Variants in RBMS3 observed in about 807,000 individuals in gnomAD.
RBMS3 encodes RNA binding motif single stranded interacting protein 3, also known as RNA-binding motif, single-stranded-interacting protein 3.
In RBMS3, 27 loss-of-function variants were observed where a neutral mutation model predicts 66.8. The ratio of observed to expected loss-of-function variants is 0.40; its 90% CI spans 0.30 to 0.56. The LOEUF is 0.56. Among genes scored for constraint, RBMS3 ranks in the 20% least tolerant of loss-of-function variants. RBMS3 has a pLI of 0.40. For missense variants in RBMS3, 513 were observed against 549.5 expected (o/e 0.93, Z 0.66); for synonymous variants, 188 against 183.0 (o/e 1.03, Z -0.22).
chr3:29,312,332 T>C (rs1019729803), intron 1 of RBMS3, among the ~76,000 whole-genome samples: 3 of 151,632 alleles, frequency 2.0e-5, no homozygotes, highest in African/African-American at 7.3e-5. Flanking sequence ...ATGAATGTGC[T>C]TTTTGAAGAA....
chr3:29,883,068 A>G (rs1172727494), intron 7 of RBMS3, among the ~76,000 whole-genome samples: 1 of 152,102 alleles, frequency 6.6e-6, no homozygotes, highest in East Asian at 1.9e-4. Context: ...AGAAAAAAAA[A>G]TCTACCCTAA....
Position 29,417,176 on chromosome 3 carries a change from C to T in RBMS3, c.76-17567C>T, listed in dbSNP as rs73042537. On this transcript the variant is annotated intron_variant, in intron 1 of 14. Transcript: ENST00000383767. ...CTACATTTTTTATTTTCATGTTGTT[C>T]TTCAGCTTTTTAATATTAGTGATAT... is the stretch of plus-strand genomic sequence containing the variant. 8.6e-3 allele frequency among the ~76,000 whole-genome samples: 1,302 copies of T among 151,948 alleles called. 9 individuals carry two copies. The highest frequency in any genetic ancestry group is 0.012 in the Admixed American group (182 of 15,250).
rs142376605 is a variant in RBMS3, at chr3:29,533,560, G to A, written c.307+45061G>A. 5.7e-3 allele frequency among the ~76,000 whole-genome samples: 868 copies of A among 152,202 alleles called. 24 individuals are homozygous for A. Among genetic ancestry groups the A allele is most frequent in the Admixed American group, 0.054 (830 of 15,276 alleles). On this transcript the variant is annotated intron_variant, in intron 3 of 14. Transcript: ENST00000383767. Reference sequence around the variant, plus strand: ...TGGGAGGTTTCAGCAGGTGGATCACGAGGTTAGGAGTTCAAGACCAGCCTG... The same window carrying A: ...TGGGAGGTTTCAGCAGGTGGATCACAAGGTTAGGAGTTCAAGACCAGCCTG...
chr3:29,889,391 A>T (rs1330006578), intron 8 of RBMS3, among the ~76,000 whole-genome samples: 1 of 151,706 alleles, frequency 6.6e-6, no homozygotes, highest in Non-Finnish European at 1.5e-5. Context: ...GCTATTAGTC[A>T]TAAGAAAAAC....
At chr3:29,684,708 T>G (rs1467528899) in intron 4 of RBMS3, among the ~76,000 whole-genome samples, 1 of 152,078 alleles carries the variant, frequency 6.6e-6, no homozygotes, top group Admixed American at 6.6e-5. Context: ...AAACCAATTT[T>G]TTAACATTGC....
chr3:29,317,867 C>T (rs1275598224), intron 1 of RBMS3, among the ~76,000 whole-genome samples: 1 of 151,708 alleles, frequency 6.6e-6, no homozygotes, highest in Non-Finnish European at 1.5e-5. Context: ...GTCTTATCAC[C>T]CTCCAGTGGA....
chr3:29,771,346 C>T (rs1425221220), intron 6 of RBMS3, among the ~76,000 whole-genome samples: 1 of 152,000 alleles, frequency 6.6e-6, no homozygotes. Flanking sequence ...AATTCAAACC[C>T]TTTGAAAACA....
chr3:29,362,537 AC>A (rs1440344106), intron 1 of RBMS3, among the ~76,000 whole-genome samples: 12 of 152,236 alleles, frequency 7.9e-5, no homozygotes, highest in South Asian at 4.1e-4. Flanking sequence ...GTCAGATCTC[AC>A]ACTCCGTGCT....
At chr3:29,926,250 A>T (rs992943753) in intron 10 of RBMS3, among the ~76,000 whole-genome samples, 1 of 152,204 alleles carries the variant, frequency 6.6e-6, no homozygotes, top group Non-Finnish European at 1.5e-5. Context: ...TAGTTCTTTA[A>T]TAGGGTCGTG....
At chr3:29,960,719 A>G (rs1331563318) in intron 12 of RBMS3, among the ~76,000 whole-genome samples, 1 of 152,128 alleles carries the variant, frequency 6.6e-6, no homozygotes, top group East Asian at 1.9e-4. Context: ...TGCAGGCTCA[A>G]CACCACGTGG....
At chr3:29,808,509 G>A (rs778849122) in intron 6 of RBMS3, among the ~76,000 whole-genome samples, 1 of 151,932 alleles carries the variant, frequency 6.6e-6, no homozygotes, top group Non-Finnish European at 1.5e-5. Flanking sequence ...GCATTGCTGA[G>A]GTTATGGTGT....
At chr3:29,828,782 T>C (rs985376637) in intron 6 of RBMS3, among the ~76,000 whole-genome samples, 12 of 152,154 alleles carry the variant, frequency 7.9e-5, no homozygotes, top group Admixed American at 3.9e-4. Flanking sequence ...GATTTTTTTT[T>C]CCACTGTGTG....
chr3:29,593,293 C>T (rs2047822590), intron 4 of RBMS3, among the ~76,000 whole-genome samples: 1 of 152,168 alleles, frequency 6.6e-6, no homozygotes, highest in African/African-American at 2.4e-5. Context: ...CAGGCATTGT[C>T]AGCCACACTC....
chr3:29,652,796 A>C (rs139337279), intron 4 of RBMS3, among the ~76,000 whole-genome samples: 1 of 152,232 alleles, frequency 6.6e-6, no homozygotes, highest in African/African-American at 2.4e-5. Context: ...CTCTTTTGTG[A>C]ATTTCTGAAT....
At chr3:29,756,904 C>T (rs1333105020) in intron 5 of RBMS3, among the ~76,000 whole-genome samples, 3 of 152,158 alleles carry the variant, frequency 2.0e-5, no homozygotes, top group Non-Finnish European at 1.5e-5. Flanking sequence ...ACCCTCCTGG[C>T]ATATATCAGT....
intron 2 of RBMS3, among the ~76,000 whole-genome samples, chr3:29,451,247 A>G (rs1426314268): frequency 6.6e-6 from 1 of 152,216 alleles, no homozygotes; most frequent in Non-Finnish European, 1.5e-5. Flanking sequence ...ATGTTTGTAT[A>G]TTAAAATTAT....
chr3:29,327,767 A>G (rs2035423289), intron 1 of RBMS3, among the ~76,000 whole-genome samples: 1 of 152,162 alleles, frequency 6.6e-6, no homozygotes. Context: ...CATGTCTTCC[A>G]AGGATCGCAT....
chr3:29,754,906 C>T (rs1270598127), intron 5 of RBMS3, among the ~76,000 whole-genome samples: 3 of 152,120 alleles, frequency 2.0e-5, no homozygotes, highest in Non-Finnish European at 2.9e-5. Context: ...AACAATTGCC[C>T]CCAGTCATGG....
intron 3 of RBMS3, among the ~76,000 whole-genome samples, chr3:29,558,746 T>C (rs1264480263): frequency 1.3e-5 from 2 of 150,676 alleles, no homozygotes; most frequent in Non-Finnish European, 2.9e-5. Flanking sequence ...ATCACAACTA[T>C]TTATATGCTG....
Sources: gnomAD v4.1 joint callset for allele counts (sites outside exome capture counted in the v4.1 genomes callset) on GRCh38, gnomAD v4.1.1 for gene constraint, MANE v1.5 for transcripts, NCBI Gene and HGNC (gene_info 2026-07-23, HGNC 2026-07-21) for gene names.